MYOM1: variants seen among roughly 807,000 people sequenced by gnomAD.
The protein encoded by MYOM1 is myomesin-1.
MYOM1 carries 164 observed loss-of-function variants against 205.3 expected under a neutral mutation model. The ratio of observed to expected loss-of-function variants is 0.80; its 90% CI spans 0.70 to 0.91. The LOEUF is 0.91. Among genes scored for constraint, MYOM1 ranks in the 40% least tolerant of loss-of-function variants. MYOM1 has a pLI of 0.00. For synonymous variants in MYOM1, 772 were observed against 789.4 expected (o/e 0.98, Z 0.37); for missense variants, 2,011 against 2,127.3 (o/e 0.95, Z 1.08).
At chr18:3,158,132 T>C (rs911132689) in intron 10 of MYOM1, among the ~76,000 whole-genome samples, 3 of 152,216 alleles carry the variant, frequency 2.0e-5, no homozygotes, top group African/African-American at 7.2e-5. Context: ...AGATAACTAC[T>C]ATTACCATAT....
the MYOM1 span, among the ~76,000 whole-genome samples, chr18:3,237,624 G>GAAAAAAAAAAAAAAAAAAA: frequency 7.2e-6 from 1 of 138,018 alleles, no homozygotes. Flanking sequence ...AAAAAAAAAG[G>GAAAAAAAAAAAAAAAAAAA]AAATACATTC....
At chr18:3,192,973 T>A (rs180984908) in intron 3 of MYOM1, among the ~76,000 whole-genome samples, 1 of 152,018 alleles carries the variant, frequency 6.6e-6, no homozygotes, top group Admixed American at 6.5e-5. Flanking sequence ...GGTTTTTTTT[T>A]AAAAGTTCAC....
rs2080859357 is a variant in MYOM1, at chr18:3,188,749, G to A, written c.770C>T (p.Thr257Ile). The A allele has an allele frequency of 1.3e-6, 2 of 1,568,028 alleles. No individual in the cohort carries two copies. Among genetic ancestry groups the A allele is most frequent in the Non-Finnish European group, 1.7e-6 (2 of 1,156,470 alleles). The change falls in exon 4 of 38, where the codon ACA becomes ATA. Residue 257 changes from threonine to isoleucine, a missense_variant and splice_region_variant. Transcript: ENST00000356443. ...TTACTTTAAACTGTCTTTTCTTACTGTTTTCCTCAGGGACAGGCGTTCTGC... is the reference window on the plus strand; with the variant it reads ...TTACTTTAAACTGTCTTTTCTTACTATTTTCCTCAGGGACAGGCGTTCTGC... Reference protein sequence around the residue: ...EKAERLSLRKTLEETETYHAK... With the variant: ...EKAERLSLRKILEETETYHAK...
At chr18:3,182,102 T>C (rs78946743) in intron 5 of MYOM1, among the ~76,000 whole-genome samples, 5,552 of 152,198 alleles carry the variant, frequency 0.036, 351 homozygotes, top group African/African-American at 0.12. Flanking sequence ...GTCCAACATA[T>C]AGATATGAAA....
chr18:3,135,345 T>A lies in MYOM1; in HGVS notation c.2209+202A>T, dbSNP rs1476282439. 1 of 492,898 alleles carries A rather than the reference T, an allele frequency of 2.0e-6. No homozygotes were observed. Among genetic ancestry groups the A allele is most frequent in the Non-Finnish European group, 3.5e-6 (1 of 281,876 alleles). 30.5% of individuals were successfully genotyped at this position (492,898 alleles called of 1,614,324 possible). A position where few individuals can be genotyped will look rare whatever the true frequency, so the allele number is the denominator to read the frequency against. ...CTTCAGAAAAAACACATTATCAATA[T>A]TGTTGAAACTCCCAAAGAAGTTTAC... is the stretch of plus-strand genomic sequence containing the variant. On this transcript the variant is annotated intron_variant, in intron 15 of 37. Transcript: ENST00000356443. The surrounding 1 kb of genome is among the most constrained non-coding windows in gnomAD (Gnocchi z 4.1).
intron 36 of MYOM1, among the ~76,000 whole-genome samples, chr18:3,074,862 G>A (rs1014227212): frequency 2.6e-5 from 4 of 152,032 alleles, no homozygotes; most frequent in African/African-American, 7.2e-5. Context: ...CCAGGCTGGA[G>A]TGCAGTGGCG....
chr18:3,081,363 G>A (rs2079084246), intron 33 of MYOM1, among the ~76,000 whole-genome samples: 1 of 152,130 alleles, frequency 6.6e-6, no homozygotes. Flanking sequence ...ACAAAGTGAA[G>A]ACTAAAATCC....
At chr18:3,225,676 G>A in the MYOM1 span, among the ~76,000 whole-genome samples, 1 of 152,128 alleles carries the variant, frequency 6.6e-6, no homozygotes, top group South Asian at 2.1e-4. Context: ...CTTAAATGCC[G>A]AACATGTCCA....
chr18:3,245,236 T>G, the MYOM1 span, among the ~76,000 whole-genome samples: 4 of 152,236 alleles, frequency 2.6e-5, no homozygotes, highest in Non-Finnish European at 5.9e-5. Context: ...CAAGTATTTC[T>G]TAGTGAAATA....
intron 13 of MYOM1, among the ~76,000 whole-genome samples, chr18:3,147,027 GAAATATTATATAT>G (rs2080132933): frequency 1.5e-5 from 2 of 137,678 alleles, no homozygotes; most frequent in South Asian, 2.2e-4. Context: ...AGCATCATCA[GAAATATTATATAT>G]AAATATTATA....
At chr18:3,169,316 T>G (rs2080520042) in intron 8 of MYOM1, among the ~76,000 whole-genome samples, 1 of 152,222 alleles carries the variant, frequency 6.6e-6, no homozygotes, top group Admixed American at 6.5e-5. Context: ...ACATATGCAC[T>G]TTGTAATTTT....
intron 29 of MYOM1, among the ~76,000 whole-genome samples, chr18:3,088,838 A>G (rs1357673985): frequency 6.6e-6 from 1 of 152,200 alleles, no homozygotes; most frequent in Non-Finnish European, 1.5e-5. Flanking sequence ...TTGCAGCTGG[A>G]GTGATTCTGG....
rs896379845 is a variant in MYOM1 at position 3,179,413 on chromosome 18, T to C, written c.930-3279A>G. Among the ~76,000 whole-genome samples, 2 of 151,278 alleles carry C rather than the reference T, an allele frequency of 1.3e-5. No individual in the cohort carries two copies. The highest frequency in any genetic ancestry group is 2.0e-4 in the East Asian group (1 of 5,112). ...CTATGTTGCTCAAGTTGGTCTCAAA[T>C]TCCTGGGCTCAAGCGATCCCCCTGC... is the stretch of plus-strand genomic sequence containing the variant. On this transcript the variant is annotated intron_variant, in intron 5 of 37. Transcript: ENST00000356443. This position sits in a 1 kb window ranked among gnomAD's most constrained non-coding sequence, Gnocchi z 4.4.
rs2079189362 is a variant in MYOM1, at chr18:3,089,067, C to T, written c.4137+107G>A. 4.6e-6 allele frequency: 3 copies of T among 656,398 alleles called. No homozygotes were observed. The Admixed American group carries it at 8.5e-5, about 19-fold the overall frequency. 40.7% of individuals were successfully genotyped at this position (656,398 alleles called of 1,614,324 possible). ...CATTGAACAGTAAATATGTGTCCCA[C>T]TTATCATTTTGGCTCAGATGGAAGA... On this transcript the variant is annotated intron_variant, in intron 29 of 37. Coordinates refer to ENST00000356443, the MANE Select transcript of MYOM1 (RefSeq NM_003803.4).
At chr18:3,182,655 G>A (rs73940116) in intron 5 of MYOM1, among the ~76,000 whole-genome samples, 8,540 of 151,974 alleles carry the variant, frequency 0.056, 801 homozygotes, top group African/African-American at 0.19. Flanking sequence ...AGCTTTTCTT[G>A]GGTTCTTCCA....
intron 8 of MYOM1, 95 bp from the exon 9 acceptor site, chr18:3,169,076 A>AAAAAAAG (rs1353478302): frequency 1.4e-5 from 15 of 1,107,142 alleles, no homozygotes; most frequent in Non-Finnish European, 1.7e-5. Flanking sequence ...TCACAGCAAA[A>AAAAAAAG]AAAAAATGAA....
intron 13 of MYOM1, among the ~76,000 whole-genome samples, chr18:3,144,257 G>A (rs1399005671): frequency 1.3e-5 from 2 of 151,998 alleles, no homozygotes; most frequent in Non-Finnish European, 2.9e-5. Flanking sequence ...TACATGTGAA[G>A]TAATATAATA....
In MYOM1 at chr18:3,179,731, G is replaced by A. The variant is rs1226977517; in HGVS notation, c.930-3597C>T. Among the ~76,000 whole-genome samples the A allele has an allele frequency of 2.0e-5, 3 of 152,150 alleles. No individual in the cohort carries two copies. The highest frequency in any genetic ancestry group is 4.8e-5 in the African/African-American group (2 of 41,442). On this transcript the variant is annotated intron_variant, in intron 5 of 37. Coordinates refer to ENST00000356443, the MANE Select transcript of MYOM1 (RefSeq NM_003803.4). The surrounding 1 kb of genome is among the most constrained non-coding windows in gnomAD (Gnocchi z 4.4). ...ATCCACTGGCCACTTCTAATCTCCC[G>A]CATTCCCCGTTTAGATGAAGTACAG...
At position 3,090,749 on chromosome 18, in the gene MYOM1, T is replaced by C. The variant is rs2079215260; in HGVS notation, c.3918A>G (p.Glu1306=). Residue 1306 remains glutamate (E), a synonymous_variant, in exon 27 of 38, where the codon GAA becomes GAG. Coordinates refer to ENST00000356443, the MANE Select transcript of MYOM1 (RefSeq NM_003803.4). ...TTCCCTCATCCTCATCCTGTAGCTTTTCCATGAACATTTCGATGATGCCAG... is the reference window on the plus strand; with the variant it reads ...TTCCCTCATCCTCATCCTGTAGCTTCTCCATGAACATTTCGATGATGCCAG... ...RNTGIIEMFM[E]KLQDEDEGTY... The C allele has an allele frequency of 6.2e-7, 1 of 1,613,878 alleles. No individual in the cohort carries two copies. The highest frequency in any genetic ancestry group is 1.7e-5 in the Admixed American group (1 of 60,012).
Sources: gnomAD v4.1 joint callset for allele counts (sites outside exome capture counted in the v4.1 genomes callset) on GRCh38, gnomAD v4.1.1 for gene constraint, Gnocchi (gnomAD v3.1) non-coding constraint, MANE v1.5 for transcripts, NCBI Gene and HGNC (gene_info 2026-07-23, HGNC 2026-07-21) for gene names.